Variants in HRK observed in about 807,000 individuals in gnomAD.
HRK encodes harakiri, BCL2 interacting protein, also known as activator of apoptosis harakiri.
HRK carries 6 observed loss-of-function variants against 5.9 expected under a neutral mutation model. That is an observed-to-expected ratio of 1.02 (90% CI 0.56 to 2.01). The LOEUF (loss-of-function observed/expected upper bound fraction) is 2.01. Among genes scored for constraint, HRK ranks in the 30% most tolerant of loss-of-function variants. The pLI is 0.00. For missense variants in HRK, 133 were observed against 128.3 expected, an observed-to-expected ratio of 1.04 and a Z score of -0.18; for synonymous variants, 85 against 65.1, an observed-to-expected ratio of 1.31 and a Z score of -1.47.
At position 116,881,156 on chromosome 12, in the gene HRK, C is replaced by A. The variant is rs1173731899; in HGVS notation, c.152G>T (p.Arg51Leu). ...CGCCCTCCGGCTCCGCGCGCGGCGC[C>A]GCCACATGGTGCGCTGGTGCAGCTC... ...GDELHQRTMW[R>L]RRARSRRAPA... Residue 51 changes from arginine to leucine, a missense_variant, in exon 1 of 2, where the codon CGG (arginine) becomes CTG (leucine). By Grantham distance (102) the Arg-to-Leu change is moderately radical. Coordinates refer to ENST00000257572, the MANE Select transcript of HRK (RefSeq NM_003806.4). 4 of 1,181,046 alleles carry A rather than the reference C, an allele frequency of 3.4e-6. No individual in the cohort carries two copies. The African/African-American group carries it at 6.5e-5, about 19-fold the overall frequency. 73.2% of individuals were successfully genotyped at this position (1,181,046 alleles called of 1,614,324 possible). A position where few individuals can be genotyped will look rare whatever the true frequency, so the allele number is the denominator to read the frequency against.
rs192200258 is a variant in HRK at position 116,871,678 on chromosome 12, G to A, written c.*56+9298C>T. Among the ~76,000 whole-genome samples the A allele has an allele frequency of 6.5e-4, 98 of 150,526 alleles. No homozygotes were observed. In the East Asian group the frequency reaches 0.018, roughly 28 times the overall value. On this transcript the variant is annotated intron_variant, in intron 1 of 1. Transcript: ENST00000257572. ...GTCTTGCTCTGTCGCCCAGGTTGGA[G>A]TACAGTGGCGTGATCACAGCTCACT... is the stretch of plus-strand genomic sequence containing the variant.
Position 116,857,400 on chromosome 12 carries a change from C to T in HRK, c.*4123G>A, listed in dbSNP as rs932699060. On this transcript the variant is annotated 3_prime_UTR_variant, in exon 2 of 2. Transcript: ENST00000257572. ...AGCTCCATGGGACTAAGAAGAGTGT[C>T]TAGCTGGTCCCCCAAACCCTTAACC... 1.3e-5 allele frequency: 2 copies of T among 152,220 alleles called. No individual in the cohort carries two copies. Among genetic ancestry groups the T allele is most frequent in the African/African-American group, 4.8e-5 (2 of 41,462 alleles). The allele number at this position is 152,220 out of a possible 1,614,324, so 9.4% of individuals were successfully genotyped here.
At chr12:116,877,757 C>T (rs1305991160) in intron 1 of HRK, among the ~76,000 whole-genome samples, 1 of 152,076 alleles carries the variant, frequency 6.6e-6, no homozygotes, top group African/African-American at 2.4e-5. Flanking sequence ...CATTTTTTGC[C>T]CCCATTTTAC....
intron 1 of HRK, among the ~76,000 whole-genome samples, chr12:116,880,756 G>A (rs1278291435): frequency 6.6e-6 from 1 of 152,136 alleles, no homozygotes; most frequent in Non-Finnish European, 1.5e-5. Flanking sequence ...TTAAGGACTC[G>A]CAGAGATGGG....
chr12:116,867,422 G>T (rs575834899), intron 1 of HRK, among the ~76,000 whole-genome samples: 1 of 152,168 alleles, frequency 6.6e-6, no homozygotes, highest in Non-Finnish European at 1.5e-5. Context: ...GGGATTACAG[G>T]CCTGAGCCAC....
rs562659041 is a variant in HRK, at chr12:116,867,210, T to C, written c.*57-5744A>G. 2.8e-4 allele frequency among the ~76,000 whole-genome samples: 43 copies of C among 152,060 alleles called. No homozygotes were observed. In the South Asian group the frequency reaches 8.9e-3, roughly 32 times the overall value. On this transcript the variant is annotated intron_variant, in intron 1 of 1. Coordinates refer to ENST00000257572, the MANE Select transcript of HRK (RefSeq NM_003806.4). ...AGGCTGGAGTGCAATAGCGTAATCT[T>C]GGCTCACTGCAACCTCCGCCACCTT... is the stretch of plus-strand genomic sequence containing the variant.
At chr12:116,870,593 G>C (rs911134546) in intron 1 of HRK, among the ~76,000 whole-genome samples, 4 of 152,170 alleles carry the variant, frequency 2.6e-5, no homozygotes, top group African/African-American at 9.6e-5. Context: ...CAGAAAGACT[G>C]CTTGAGCCCA....
intron 1 of HRK, among the ~76,000 whole-genome samples, chr12:116,872,907 A>AGAG (rs1878808447): frequency 1.4e-5 from 2 of 138,446 alleles, no homozygotes; most frequent in African/African-American, 5.2e-5. Flanking sequence ...AAGAGAGAAA[A>AGAG]AGAGAAAGGA....
intron 1 of HRK, among the ~76,000 whole-genome samples, chr12:116,867,459 T>C (rs1878587952): frequency 6.6e-6 from 1 of 152,162 alleles, no homozygotes; most frequent in Admixed American, 6.5e-5. Context: ...AAATTTTTAA[T>C]TAGCCAATTG....
intron 1 of HRK, among the ~76,000 whole-genome samples, chr12:116,866,117 C>A (rs1405526534): frequency 1.6e-5 from 2 of 128,358 alleles, no homozygotes; most frequent in African/African-American, 6.0e-5. Context: ...GAGGTGGTAC[C>A]ATTGCACTCC....
intron 1 of HRK, among the ~76,000 whole-genome samples, chr12:116,877,314 C>T (rs1288676644): frequency 6.6e-6 from 1 of 151,960 alleles, no homozygotes; most frequent in East Asian, 1.9e-4. Context: ...CCTTGGCCTC[C>T]CAAAGAACTG....
intron 1 of HRK, among the ~76,000 whole-genome samples, chr12:116,872,902 AG>A (rs1368469505): frequency 2.5e-5 from 2 of 81,144 alleles, no homozygotes; most frequent in African/African-American, 6.2e-5. Context: ...AAAGAAAGAG[AG>A]AAAAAGAGAA....
At chr12:116,868,460 G>A (rs553175820) in intron 1 of HRK, among the ~76,000 whole-genome samples, 7 of 152,140 alleles carry the variant, frequency 4.6e-5, no homozygotes, top group Admixed American at 1.3e-4. Flanking sequence ...GTACAATGAC[G>A]GAGATGGGTT....
chr12:116,875,633 T>C (rs566102744), intron 1 of HRK, among the ~76,000 whole-genome samples: 1 of 152,300 alleles, frequency 6.6e-6, no homozygotes, highest in African/African-American at 2.4e-5. Flanking sequence ...AACCTCCGCC[T>C]CCTGGGTTCA....
chr12:116,867,132 CA>C (rs1200636079), intron 1 of HRK, among the ~76,000 whole-genome samples: 2 of 143,830 alleles, frequency 1.4e-5, no homozygotes, highest in African/African-American at 2.6e-5. Flanking sequence ...TACACATATA[CA>C]AAAAAAAACT....
intron 1 of HRK, among the ~76,000 whole-genome samples, chr12:116,868,993 G>T (rs1246912916): frequency 6.6e-6 from 1 of 151,232 alleles, no homozygotes; most frequent in African/African-American, 2.4e-5. Flanking sequence ...TAAAGACAGG[G>T]TTTTTAAAAA....
In HRK at chr12:116,861,483, T is replaced by C. The variant is rs1345617839; in HGVS notation, c.*57-17A>G. The C allele has an allele frequency of 1.3e-5, 2 of 152,090 alleles. No homozygotes were observed. Among genetic ancestry groups the C allele is most frequent in the African/African-American group, 4.8e-5 (2 of 41,380 alleles). 9.4% of individuals were successfully genotyped at this position (152,090 alleles called of 1,614,324 possible). On this transcript the variant is annotated splice_polypyrimidine_tract_variant and intron_variant, in intron 1 of 1. Transcript: ENST00000257572. ...TTCACCAACCTGCAGAAATAAAGATTGGTATTTTGGTCAGTGCAGACAGCT... is the reference window on the plus strand; with the variant it reads ...TTCACCAACCTGCAGAAATAAAGATCGGTATTTTGGTCAGTGCAGACAGCT...
Position 116,857,083 on chromosome 12 carries a change from A to G in HRK, c.*4440T>C, listed in dbSNP as rs1009190034. The stretch of plus-strand genomic sequence containing the variant: ...TAGCAGGGCTCTCAGTAAATACTAT[A>G]TAACAATCTGCCAGCAAAGCTTGGG... On this transcript the variant is annotated 3_prime_UTR_variant, in exon 2 of 2. Transcript: ENST00000257572. 3.9e-5 allele frequency: 6 copies of G among 152,254 alleles called. No homozygotes were observed. Among genetic ancestry groups the G allele is most frequent in the African/African-American group, 1.2e-4 (5 of 41,470 alleles). The allele number at this position is 152,254 out of a possible 1,614,324, so 9.4% of individuals were successfully genotyped here. A position where few individuals can be genotyped will look rare whatever the true frequency, so the allele number is the denominator to read the frequency against.
At chr12:116,867,819 AC>A (rs1878600293) in intron 1 of HRK, 2 of 152,220 alleles carry the variant, frequency 1.3e-5, no homozygotes, top group South Asian at 4.1e-4. Context: ...AAAGCAGGTT[AC>A]AAAACAGCAT....
Sources: allele counts gnomAD v4.1 joint callset (sites outside exome capture counted in the v4.1 genomes callset), GRCh38; gene constraint gnomAD v4.1.1; transcripts MANE v1.5; gene names NCBI Gene and HGNC (gene_info 2026-07-23, HGNC 2026-07-21).